The following CNTNAP3B variants were observed in gnomAD, a reference collection of about 807,000 sequenced individuals.
CNTNAP3B encodes the protein contactin-associated protein-like 3B.
Under a neutral mutation model 108.9 loss-of-function variants are expected in CNTNAP3B, and 25 were observed. That is an observed-to-expected ratio of 0.23 (90% CI 0.17 to 0.32). CNTNAP3B has a LOEUF of 0.32. CNTNAP3B is among the 10% of genes least tolerant of loss of function. The pLI is 1.00. For synonymous variants in CNTNAP3B, 103 were observed against 473.4 expected, an observed-to-expected ratio of 0.22 and a Z score of 10.16; for missense variants, 252 against 1,210.4, an observed-to-expected ratio of 0.21 and a Z score of 11.75.
chr9:41,995,473 C>A (rs1251200861), intron 7 of CNTNAP3B, among the ~76,000 whole-genome samples: 1 of 129,918 alleles, frequency 7.7e-6, no homozygotes, highest in African/African-American at 3.2e-5. Context: ...AAAAAAAGTG[C>A]GCCTGTGGTC....
At chr9:42,036,000 C>T (rs2320758) in intron 3 of CNTNAP3B, among the ~76,000 whole-genome samples, 2 of 144,870 alleles carry the variant, frequency 1.4e-5, no homozygotes, top group Non-Finnish European at 3.0e-5. Flanking sequence ...CCCAGCTACT[C>T]GGGAGGCTGA....
chr9:41,928,697 T>C (rs1227296258), intron 15 of CNTNAP3B, among the ~76,000 whole-genome samples: 2 of 151,828 alleles, frequency 1.3e-5, no homozygotes, highest in African/African-American at 4.9e-5. Context: ...TGTATGATGC[T>C]AGTGGGTAAG....
intron 10 of CNTNAP3B, among the ~76,000 whole-genome samples, chr9:41,969,671 G>A (rs1825384313): frequency 6.6e-6 from 1 of 151,862 alleles, no homozygotes; most frequent in Non-Finnish European, 1.5e-5. Context: ...AGGCTGGAGT[G>A]CAGTGGCGCG....
At chr9:42,099,804 G>T (rs1297712297) in intron 2 of CNTNAP3B, among the ~76,000 whole-genome samples, 2 of 86,918 alleles carry the variant, frequency 2.3e-5, no homozygotes, top group Non-Finnish European at 4.8e-5. Flanking sequence ...GAAAACACAC[G>T]GGTTATCCTT....
At chr9:42,103,136 C>G (rs1452014593) in intron 2 of CNTNAP3B, among the ~76,000 whole-genome samples, 1 of 119,460 alleles carries the variant, frequency 8.4e-6, no homozygotes, top group Non-Finnish European at 1.7e-5. Context: ...CTCTTGTTTT[C>G]CTTTACCCCC....
In CNTNAP3B at chr9:42,116,234, A is replaced by T. The variant is rs975470274; in HGVS notation, c.86-11495T>A. On this transcript the variant is annotated intron_variant, in intron 1 of 23. Coordinates refer to ENST00000377561, the MANE Select transcript of CNTNAP3B (RefSeq NM_001201380.3). ...ATGTGACTGTGAAAAGATTCACCAAACTTGAAATGAAGGAAAAAATATTAA... is the reference window on the plus strand; with the variant it reads ...ATGTGACTGTGAAAAGATTCACCAATCTTGAAATGAAGGAAAAAATATTAA... 5.9e-5 allele frequency among the ~76,000 whole-genome samples: 8 copies of T among 136,448 alleles called. 2 individuals carry two copies. The highest frequency in any genetic ancestry group is 1.2e-4 in the Non-Finnish European group (8 of 64,258). 89.5% of individuals were successfully genotyped at this position (136,448 alleles called of 152,430 possible).
chr9:41,957,606 C>G (rs1243165506), intron 12 of CNTNAP3B, among the ~76,000 whole-genome samples: 1 of 147,998 alleles, frequency 6.8e-6, no homozygotes, highest in East Asian at 2.0e-4. Context: ...CTTAGAATTT[C>G]CATCTTGCTG....
chr9:41,929,808 T>C (rs1281657841), intron 14 of CNTNAP3B, among the ~76,000 whole-genome samples: 1 of 149,346 alleles, frequency 6.7e-6, no homozygotes, highest in Admixed American at 6.7e-5. Context: ...CTTTTTATTT[T>C]TCAACCTTTT....
chr9:42,021,789 T>C (rs1442557397), intron 3 of CNTNAP3B, among the ~76,000 whole-genome samples: 2 of 133,016 alleles, frequency 1.5e-5, no homozygotes, highest in Non-Finnish European at 3.2e-5. Context: ...GGAAGTTCAA[T>C]GTCCTAGGGT....
rs1609765 is a variant in CNTNAP3B, at chr9:42,127,241, G to A, written c.85+1769C>T. Among the ~76,000 whole-genome samples, 68 of 136,526 alleles carry A rather than the reference G, an allele frequency of 5.0e-4. 5 individuals carry two copies. Among genetic ancestry groups the A allele is most frequent in the East Asian group, 1.4e-3 (6 of 4,342 alleles). 89.6% of individuals were successfully genotyped at this position (136,526 alleles called of 152,430 possible). ...GAGAGTCCCGTCTGGTGCTGAGTCCGTTTGGAATATCTGTCCCTGCCCTCC... is the reference window on the plus strand; with the variant it reads ...GAGAGTCCCGTCTGGTGCTGAGTCCATTTGGAATATCTGTCCCTGCCCTCC... On this transcript the variant is annotated intron_variant, in intron 1 of 23. Coordinates refer to ENST00000377561, the MANE Select transcript of CNTNAP3B (RefSeq NM_001201380.3).
At chr9:42,051,949 T>A (rs1221726597) in intron 3 of CNTNAP3B, among the ~76,000 whole-genome samples, 1 of 151,876 alleles carries the variant, frequency 6.6e-6, no homozygotes, top group Non-Finnish European at 1.5e-5. Flanking sequence ...ACTGCGTAAT[T>A]TTTTCTCTCT....
At chr9:41,941,365 C>T (rs1490026634) in intron 13 of CNTNAP3B, among the ~76,000 whole-genome samples, 2 of 138,988 alleles carry the variant, frequency 1.4e-5, no homozygotes, top group Non-Finnish European at 3.1e-5. Context: ...AAAAAATACA[C>T]TCTGCAAAAC....
At chr9:42,114,894 A>T in intron 1 of CNTNAP3B, among the ~76,000 whole-genome samples, 1 of 134,026 alleles carries the variant, frequency 7.5e-6, no homozygotes. Context: ...TCTTTAGTAA[A>T]AATACAAAAA....
chr9:41,947,839 T>G (rs1235179059), intron 13 of CNTNAP3B, among the ~76,000 whole-genome samples: 1 of 152,240 alleles, frequency 6.6e-6, no homozygotes, highest in Non-Finnish European at 1.5e-5. Flanking sequence ...TAAGTGGATA[T>G]CACTACAGAT....
intron 3 of CNTNAP3B, among the ~76,000 whole-genome samples, chr9:42,035,749 C>T (rs1480159124): frequency 6.6e-6 from 1 of 150,986 alleles, no homozygotes; most frequent in Non-Finnish European, 1.5e-5. Flanking sequence ...CTTTGAACTC[C>T]TGGGCTTAAG....
At chr9:42,063,909 C>G (rs1827218319) in intron 3 of CNTNAP3B, among the ~76,000 whole-genome samples, 1 of 150,138 alleles carries the variant, frequency 6.7e-6, no homozygotes, top group Non-Finnish European at 1.5e-5. Flanking sequence ...ACTAAACTTT[C>G]TAGACCTTTG....
At chr9:41,973,689 G>C (rs1266211830) in intron 9 of CNTNAP3B, among the ~76,000 whole-genome samples, 1 of 139,092 alleles carries the variant, frequency 7.2e-6, no homozygotes, top group Non-Finnish European at 1.5e-5. Flanking sequence ...AGGCATGAAT[G>C]CAAAAAACTG....
chr9:41,934,112 T>TATATATATATATATATAC (rs1206776352), intron 14 of CNTNAP3B, among the ~76,000 whole-genome samples: 22 of 126,342 alleles, frequency 1.7e-4, no homozygotes, highest in African/African-American at 6.6e-4. Flanking sequence ...TATATATATA[T>TATATATATATATATATAC]ATATATATAT....
At chr9:41,935,675 T>A (rs529364562) in intron 14 of CNTNAP3B, among the ~76,000 whole-genome samples, 1 of 152,266 alleles carries the variant, frequency 6.6e-6, no homozygotes, top group African/African-American at 2.4e-5. Context: ...GATTTCAGAA[T>A]GCTTGTGGTC....
Sources: gnomAD v4.1 joint callset for allele counts (sites outside exome capture counted in the v4.1 genomes callset) on GRCh38, gnomAD v4.1.1 for gene constraint, MANE v1.5 for transcripts, NCBI Gene and HGNC (gene_info 2026-07-23, HGNC 2026-07-21) for gene names.